The following LRRC7 variants were observed in gnomAD, a reference collection of about 807,000 sequenced individuals.
LRRC7 encodes the protein leucine-rich repeat-containing protein 7.
In LRRC7, 23 loss-of-function variants were observed where a neutral mutation model predicts 175.7. The observed-to-expected ratio is 0.13, with a 90% CI of 0.09 to 0.19. LRRC7 has a LOEUF of 0.19. Among genes scored for constraint, LRRC7 ranks in the 10% least tolerant of loss-of-function variants. The pLI, the probability that LRRC7 is intolerant of heterozygous loss-of-function variation, is 1.00. For synonymous variants in LRRC7, 685 were observed against 680.9 expected (o/e 1.01, Z -0.09); for missense variants, 1,354 against 1,904.7 (o/e 0.71, Z 5.38).
chr1:69,691,842 G>C (rs1386298880), intron 2 of LRRC7, among the ~76,000 whole-genome samples: 5 of 144,766 alleles, frequency 3.5e-5, no homozygotes, highest in Non-Finnish European at 7.6e-5. Flanking sequence ...GAAGCAACTT[G>C]ATTTAAGCCA....
chr1:69,926,800 C>A (rs951620063), intron 7 of LRRC7, among the ~76,000 whole-genome samples: 7 of 152,056 alleles, frequency 4.6e-5, no homozygotes, highest in Admixed American at 1.3e-4. Context: ...GCATTTAGCC[C>A]ATTTACATTT....
intron 1 of LRRC7, among the ~76,000 whole-genome samples, chr1:69,593,603 G>A (rs984278247): frequency 1.3e-5 from 2 of 151,804 alleles, no homozygotes; most frequent in African/African-American, 4.8e-5. Context: ...CTCTGTTTTT[G>A]TAACACCAAA....
intron 1 of LRRC7, among the ~76,000 whole-genome samples, chr1:69,673,126 C>T (rs1215218802): frequency 6.6e-6 from 1 of 152,078 alleles, no homozygotes. Flanking sequence ...AACAAGTGTA[C>T]ACAGCTGGCT....
intron 8 of LRRC7, among the ~76,000 whole-genome samples, chr1:69,976,129 T>A (rs1652795302): frequency 6.6e-6 from 1 of 152,206 alleles, no homozygotes; most frequent in Non-Finnish European, 1.5e-5. Flanking sequence ...TCTGTATTAG[T>A]CAGGATTCTC....
At chr1:69,745,197 C>T (rs1010346828) in intron 2 of LRRC7, among the ~76,000 whole-genome samples, 2 of 151,896 alleles carry the variant, frequency 1.3e-5, no homozygotes, top group Non-Finnish European at 2.9e-5. Context: ...AAAATAGTTT[C>T]CTATTTGTAG....
At chr1:69,964,204 A>G (rs1651432501) in intron 8 of LRRC7, among the ~76,000 whole-genome samples, 2 of 152,222 alleles carry the variant, frequency 1.3e-5, no homozygotes. Flanking sequence ...TAGAGATAGT[A>G]GCTAATGTCC....
chr1:69,821,851 T>C (rs1328354029), intron 4 of LRRC7, among the ~76,000 whole-genome samples: 1 of 151,990 alleles, frequency 6.6e-6, no homozygotes, highest in Non-Finnish European at 1.5e-5. Context: ...GCTGAGATTG[T>C]GCCAATGCAC....
chr1:69,879,513 A>G (rs1686384010), intron 7 of LRRC7: 1 of 152,220 alleles, frequency 6.6e-6, no homozygotes, highest in Admixed American at 6.6e-5. Context: ...CACGGTTCCT[A>G]GAGGGGCCCA....
intron 4 of LRRC7, among the ~76,000 whole-genome samples, chr1:69,821,410 G>C (rs914911803): frequency 1.4e-4 from 21 of 151,548 alleles, no homozygotes; most frequent in Admixed American, 6.6e-5. Flanking sequence ...TGTATTCATC[G>C]GCTCCAGAAT....
rs867631287 is a variant in LRRC7 at position 70,020,999 on chromosome 1, C to T, written c.1421-6C>T. On this transcript the variant is annotated splice_region_variant and splice_polypyrimidine_tract_variant and intron_variant, in intron 15 of 26. Coordinates refer to ENST00000651989, the MANE Select transcript of LRRC7 (RefSeq NM_001370785.2). The stretch of plus-strand genomic sequence containing the variant: ...AAAACAATAATACTTTGGAATCTAA[C>T]TGTAGATTTCCAGTCAGACAGTGAC... The T allele has an allele frequency of 6.3e-7, 1 of 1,597,336 alleles. No homozygotes were observed. The highest frequency in any genetic ancestry group is 1.7e-4 in the Middle Eastern group (1 of 5,942).
At chr1:69,903,163 C>T (rs1646187012) in intron 7 of LRRC7, among the ~76,000 whole-genome samples, 1 of 152,158 alleles carries the variant, frequency 6.6e-6, no homozygotes, top group Admixed American at 6.5e-5. Context: ...TCTTAAGTTG[C>T]CATTGCACCA....
At chr1:69,591,633 C>T (rs957628203) in intron 1 of LRRC7, among the ~76,000 whole-genome samples, 11 of 151,936 alleles carry the variant, frequency 7.2e-5, no homozygotes, top group African/African-American at 2.7e-4. Context: ...CCAATATCAC[C>T]AAGATAAATA....
chr1:69,671,290 T>C (rs538165860), intron 1 of LRRC7, among the ~76,000 whole-genome samples: 2 of 152,218 alleles, frequency 1.3e-5, no homozygotes, highest in African/African-American at 2.4e-5. Flanking sequence ...TAGTATCATG[T>C]AGGAAGTAGG....
intron 7 of LRRC7, chr1:69,920,113 AG>A: frequency 8.5e-6 from 2 of 236,048 alleles, no homozygotes; most frequent in Non-Finnish European, 1.6e-5. Flanking sequence ...ATGTGGTGGG[AG>A]GAGTGTTCCA....
At chr1:70,065,806 A>G (rs1236861052) in intron 23 of LRRC7, among the ~76,000 whole-genome samples, 1 of 152,028 alleles carries the variant, frequency 6.6e-6, no homozygotes, top group East Asian at 1.9e-4. Context: ...GTCCCCATCC[A>G]TAAAAGAGGC....
Position 70,039,180 on chromosome 1 carries a change from C to T in LRRC7, c.3356C>T (p.Pro1119Leu), listed in dbSNP as rs377656393. Residue 1119 changes from proline (P) to leucine (L), a missense_variant, in exon 21 of 27, where the codon CCG (proline) becomes CTG (leucine). By Grantham distance (98) the Pro-to-Leu change is moderately conservative. Coordinates refer to ENST00000651989, the MANE Select transcript of LRRC7 (RefSeq NM_001370785.2). ...CCTAGAGCTTACAGAGGATACCCAC[C>T]GATGGAGCAAATGTTTTCATTTTCT... The part of the protein sequence containing the change: ...ISPRAYRGYP[P>L]MEQMFSFSQP... 2.9e-5 allele frequency: 47 copies of T among 1,614,008 alleles called. No individual in the cohort carries two copies. The highest frequency in any genetic ancestry group is 4.4e-5 in the South Asian group (4 of 91,078).
intron 23 of LRRC7, among the ~76,000 whole-genome samples, chr1:70,057,367 C>T (rs78854926): frequency 0.13 from 19,572 of 152,046 alleles, 1,735 homozygotes; most frequent in African/African-American, 0.24. Flanking sequence ...GAAATAGATG[C>T]GATAATTATA....
intron 2 of LRRC7, among the ~76,000 whole-genome samples, chr1:69,700,167 A>T (rs1432801861): frequency 6.6e-6 from 1 of 152,202 alleles, no homozygotes; most frequent in African/African-American, 2.4e-5. Context: ...AGCACAAAAC[A>T]GTCAGGAGTG....
At chr1:69,822,735 G>C (rs759088163) in intron 4 of LRRC7, among the ~76,000 whole-genome samples, 8 of 152,130 alleles carry the variant, frequency 5.3e-5, no homozygotes, top group Non-Finnish European at 1.0e-4. Flanking sequence ...GGGTGAAATG[G>C]GTAAAATGAA....
Sources: allele counts gnomAD v4.1 joint callset (sites outside exome capture counted in the v4.1 genomes callset), GRCh38; gene constraint gnomAD v4.1.1; transcripts MANE v1.5; gene names NCBI Gene and HGNC (gene_info 2026-07-23, HGNC 2026-07-21).